The following IFT80 variants were observed in gnomAD, a reference collection of about 807,000 sequenced individuals.
IFT80 encodes the protein intraflagellar transport protein 80 homolog.
Under a neutral mutation model 107.9 loss-of-function variants are expected in IFT80, and 79 were observed. That is an observed-to-expected ratio of 0.73 (90% CI 0.61 to 0.88). The LOEUF (loss-of-function observed/expected upper bound fraction) is 0.88, where lower values mean the gene tolerates loss of function less well. Ranked by LOEUF, IFT80 falls within the 40% of genes least tolerant of loss-of-function variation. The pLI, the probability that IFT80 is intolerant of heterozygous loss-of-function variation, is 0.00. For missense variants in IFT80, 797 were observed against 914.2 expected (o/e 0.87, Z 1.65); for synonymous variants, 299 against 300.9 (o/e 0.99, Z 0.07).
chr3:160,344,328 A>G (rs545740696), intron 8 of IFT80, among the ~76,000 whole-genome samples: 1 of 152,210 alleles, frequency 6.6e-6, no homozygotes, highest in South Asian at 2.1e-4. Flanking sequence ...CATATTTAAG[A>G]TCACTGATTT....
intron 9 of IFT80, among the ~76,000 whole-genome samples, chr3:160,317,787 C>T (rs1006145999): frequency 6.6e-6 from 1 of 151,964 alleles, no homozygotes; most frequent in Non-Finnish European, 1.5e-5. Context: ...TAACTTGGTT[C>T]TTCAACAAAC....
Position 160,306,494 on chromosome 3 carries a change from A to G in IFT80, c.1076+1169T>C, listed in dbSNP as rs144041198. On this transcript the variant is annotated intron_variant, in intron 10 of 19. Coordinates refer to ENST00000326448, the MANE Select transcript of IFT80 (RefSeq NM_020800.3). ...TGACTGTATGATTTTCTCACATTCT[A>G]TAATCCCTTCCCCACATCTCAACTG... is the stretch of plus-strand genomic sequence containing the variant. Among the ~76,000 whole-genome samples the G allele has an allele frequency of 2.6e-3, 392 of 152,250 alleles. 3 individuals are homozygous for G. The highest frequency in any genetic ancestry group is 8.6e-3 in the African/African-American group (359 of 41,550).
intron 8 of IFT80, among the ~76,000 whole-genome samples, chr3:160,320,414 C>A (rs1310988765): frequency 6.6e-6 from 1 of 151,700 alleles, no homozygotes; most frequent in African/African-American, 2.4e-5. Flanking sequence ...TTACACGAAA[C>A]TGGATCTATT....
At chr3:160,345,783 A>G (rs80048004) in intron 8 of IFT80, among the ~76,000 whole-genome samples, 36 of 152,120 alleles carry the variant, frequency 2.4e-4, no homozygotes, top group African/African-American at 8.7e-4. Flanking sequence ...GGAATAGTTA[A>G]TAGGTATTTA....
intron 12 of IFT80, among the ~76,000 whole-genome samples, chr3:160,295,982 C>T (rs543081013): frequency 9.9e-5 from 15 of 152,038 alleles, no homozygotes; most frequent in Non-Finnish European, 1.8e-4. Flanking sequence ...ATCCAGTTGC[C>T]AGAGGCAGCA....
chr3:160,386,802 T>C (rs1576904823), intron 1 of IFT80, among the ~76,000 whole-genome samples: 1 of 152,148 alleles, frequency 6.6e-6, no homozygotes, highest in East Asian at 1.9e-4. Context: ...AGTCAGAATA[T>C]GAAGGCCAGT....
intron 5 of IFT80, among the ~76,000 whole-genome samples, chr3:160,368,320 T>C (rs1722007895): frequency 7.2e-6 from 1 of 138,332 alleles, no homozygotes; most frequent in Non-Finnish European, 1.5e-5. Flanking sequence ...CAAGTCCCAA[T>C]GGTTTATACA....
chr3:160,337,825 A>T (rs950842436), intron 8 of IFT80, among the ~76,000 whole-genome samples: 2 of 151,878 alleles, frequency 1.3e-5, no homozygotes, highest in African/African-American at 4.8e-5. Flanking sequence ...CTAAATTCTT[A>T]TAGTTTTCTT....
chr3:160,379,605 G>C (rs1712308886), intron 3 of IFT80, among the ~76,000 whole-genome samples: 1 of 152,158 alleles, frequency 6.6e-6, no homozygotes, highest in Non-Finnish European at 1.5e-5. Flanking sequence ...CCAATACTTT[G>C]TCCCAACATA....
Position 160,319,786 on chromosome 3 carries a change from T to C in IFT80, c.931A>G (p.Thr311Ala). 1 of 1,613,006 alleles carries C rather than the reference T, an allele frequency of 6.2e-7. No individual in the cohort carries two copies. The highest frequency in any genetic ancestry group is 1.7e-5 in the Admixed American group (1 of 59,898). The stretch of plus-strand genomic sequence containing the variant: ...TGCATGGCTCTTCTTTTCGTTAATG[T>C]TACTTGAAAATTTTTCCACTCCCAA... ...QHWEWKNFQV[T>A]LTKRRAMQVR... Residue 311 changes from threonine (T) to alanine (A), a missense_variant, in exon 9 of 20, where the codon ACA becomes GCA. By Grantham distance (58) the Thr-to-Ala change is moderately conservative. Transcript: ENST00000326448.
At chr3:160,314,069 A>G (rs1294943187) in intron 9 of IFT80, among the ~76,000 whole-genome samples, 1 of 152,204 alleles carries the variant, frequency 6.6e-6, no homozygotes, top group Non-Finnish European at 1.5e-5. Flanking sequence ...CATTTGCAAA[A>G]CACTCATTTA....
chr3:160,301,179 G>T, intron 11 of IFT80, 133 bp from the exon 12 acceptor site: 1 of 879,516 alleles, frequency 1.1e-6, no homozygotes, highest in Middle Eastern at 3.6e-4. Context: ...AGATATATAA[G>T]GAACAAAACA....
At chr3:160,320,300 T>TA (rs1236863047) in intron 8 of IFT80, among the ~76,000 whole-genome samples, 1 of 151,902 alleles carries the variant, frequency 6.6e-6, no homozygotes, top group Non-Finnish European at 1.5e-5. Flanking sequence ...TCTCTACATC[T>TA]AAAAAAATTT....
At chr3:160,294,789 A>C (rs1297695832) in intron 12 of IFT80, among the ~76,000 whole-genome samples, 1 of 152,146 alleles carries the variant, frequency 6.6e-6, no homozygotes, top group Non-Finnish European at 1.5e-5. Context: ...AATTTCCCTA[A>C]ACTCTTGAGG....
chr3:160,361,790 G>A (rs550994599), intron 6 of IFT80, among the ~76,000 whole-genome samples: 99 of 152,216 alleles, frequency 6.5e-4, no homozygotes, highest in African/African-American at 2.2e-3. Context: ...GGTACATAAC[G>A]AAATGAAGGC....
chr3:160,292,939 A>G (rs1263003688), intron 12 of IFT80, among the ~76,000 whole-genome samples: 2 of 152,158 alleles, frequency 1.3e-5, no homozygotes, highest in African/African-American at 4.8e-5. Context: ...TTAACATCAA[A>G]ATTCCTAAGG....
chr3:160,323,371 G>A (rs1374112302), intron 8 of IFT80, among the ~76,000 whole-genome samples: 6 of 150,752 alleles, frequency 4.0e-5, no homozygotes, highest in Admixed American at 4.0e-4. Flanking sequence ...ATTTCTGAGG[G>A]CTCTGTTCTG....
At chr3:160,274,013 T>G (rs1490908815) in intron 18 of IFT80, among the ~76,000 whole-genome samples, 2 of 152,106 alleles carry the variant, frequency 1.3e-5, no homozygotes, top group Non-Finnish European at 2.9e-5. Flanking sequence ...CTCCCTGAGA[T>G]CTAATGATTT....
intron 11 of IFT80, 96 bp downstream of exon 11, chr3:160,303,816 GACT>G (rs2108271334): frequency 1.4e-6 from 1 of 734,516 alleles, no homozygotes; most frequent in African/African-American, 1.8e-5. Flanking sequence ...GGTTCTAAAT[GACT>G]AGTATACCAT....
Sources: gnomAD v4.1 joint callset for allele counts (sites outside exome capture counted in the v4.1 genomes callset) on GRCh38, gnomAD v4.1.1 for gene constraint, MANE v1.5 for transcripts, NCBI Gene and HGNC (gene_info 2026-07-23, HGNC 2026-07-21) for gene names.